Variants in ADAM32 observed in about 807,000 individuals in gnomAD.
The protein encoded by ADAM32 is disintegrin and metalloproteinase domain-containing protein 32.
Under a neutral mutation model 114.9 loss-of-function variants are expected in ADAM32, and 89 were observed. The ratio of observed to expected loss-of-function variants is 0.77; its 90% CI spans 0.65 to 0.92. The LOEUF is 0.92. Ranked by LOEUF, ADAM32 falls within the 40% of genes least tolerant of loss-of-function variation. The pLI is 0.00. For synonymous variants in ADAM32, 285 were observed against 307.5 expected (o/e 0.93, Z 0.77); for missense variants, 870 against 932.8 (o/e 0.93, Z 0.88).
intron 6 of ADAM32, among the ~76,000 whole-genome samples, chr8:39,152,320 A>C (rs1803881982): frequency 6.6e-6 from 1 of 152,204 alleles, no homozygotes; most frequent in Admixed American, 6.5e-5. Context: ...TGAAAGAGAA[A>C]ATTTTTATAC....
chr8:39,155,071 G>A lies in ADAM32; in HGVS notation c.525+3523G>A, dbSNP rs540268051. Among the ~76,000 whole-genome samples the A allele has an allele frequency of 2.0e-5, 3 of 152,134 alleles. No homozygotes were observed. The East Asian group carries it at 5.8e-4, about 29-fold the overall frequency. Reference sequence around the variant, plus strand: ...TCAATAAACTAGGTATTGATTGAACGTATCTCAAAATAATAAGAGCTATTT... The same window carrying A: ...TCAATAAACTAGGTATTGATTGAACATATCTCAAAATAATAAGAGCTATTT... On this transcript the variant is annotated intron_variant, in intron 6 of 24. Coordinates refer to ENST00000379907, the MANE Select transcript of ADAM32 (RefSeq NM_145004.7).
chr8:39,124,564 C>T (rs893319666), intron 2 of ADAM32, among the ~76,000 whole-genome samples: 1 of 151,972 alleles, frequency 6.6e-6, no homozygotes, highest in Non-Finnish European at 1.5e-5. Flanking sequence ...ACTACAGGCA[C>T]CTGCCATCAT....
intron 2 of ADAM32, among the ~76,000 whole-genome samples, chr8:39,127,469 G>A (rs1802186393): frequency 6.6e-6 from 1 of 152,124 alleles, no homozygotes; most frequent in Admixed American, 6.6e-5. Context: ...TGTGCATAGA[G>A]GTGTTTATAG....
chr8:39,188,132 A>G (rs994055713), intron 11 of ADAM32, among the ~76,000 whole-genome samples: 5 of 152,156 alleles, frequency 3.3e-5, no homozygotes, highest in Non-Finnish European at 5.9e-5. Flanking sequence ...TTAAGGGTTA[A>G]CTCTTATGTT....
At chr8:39,259,916 C>T (rs568760226) in intron 19 of ADAM32, among the ~76,000 whole-genome samples, 52 of 152,248 alleles carry the variant, frequency 3.4e-4, no homozygotes, top group African/African-American at 1.2e-3. Context: ...AACTAAAGAT[C>T]TTATTCAGAT....
At chr8:39,195,644 T>C (rs1165894184) in intron 11 of ADAM32, among the ~76,000 whole-genome samples, 2 of 151,468 alleles carry the variant, frequency 1.3e-5, no homozygotes, top group Admixed American at 6.6e-5. Context: ...CTTCTGCATA[T>C]GGATATCCAG....
At chr8:39,279,681 G>A (rs1034895001) in intron 22 of ADAM32, among the ~76,000 whole-genome samples, 2 of 151,722 alleles carry the variant, frequency 1.3e-5, no homozygotes, top group East Asian at 1.9e-4. Flanking sequence ...CAAATCCTCC[G>A]TTTTCTTAAT....
intron 12 of ADAM32, among the ~76,000 whole-genome samples, chr8:39,219,606 G>A (rs990480257): frequency 2.6e-5 from 4 of 152,158 alleles, no homozygotes; most frequent in Admixed American, 6.5e-5. Flanking sequence ...CAGATTCTCC[G>A]CACCATGAAG....
chr8:39,244,248 A>G (rs1810748987), intron 16 of ADAM32, among the ~76,000 whole-genome samples: 1 of 152,232 alleles, frequency 6.6e-6, no homozygotes, highest in South Asian at 2.1e-4. Context: ...ATCATTCTTC[A>G]CAGAACTGGA....
At chr8:39,112,273 T>A (rs1840194905) in intron 1 of ADAM32, among the ~76,000 whole-genome samples, 1 of 152,198 alleles carries the variant, frequency 6.6e-6, no homozygotes, top group Admixed American at 6.5e-5. Flanking sequence ...ATTGTATAAA[T>A]TTATGTATGT....
intron 2 of ADAM32, among the ~76,000 whole-genome samples, chr8:39,118,947 T>G (rs564983315): frequency 1.3e-5 from 2 of 152,242 alleles, no homozygotes; most frequent in South Asian, 4.1e-4. Flanking sequence ...GCTGATCTGT[T>G]GTCTATCTCT....
At chr8:39,146,369 C>G (rs1427333291) in intron 3 of ADAM32, among the ~76,000 whole-genome samples, 1 of 151,610 alleles carries the variant, frequency 6.6e-6, no homozygotes, top group East Asian at 1.9e-4. Context: ...AATGTAAGAA[C>G]AGAAAACTCT....
chr8:39,278,175 C>T (rs1432454131), intron 22 of ADAM32, among the ~76,000 whole-genome samples: 1 of 152,112 alleles, frequency 6.6e-6, no homozygotes, highest in Non-Finnish European at 1.5e-5. Flanking sequence ...TCAAGCTGTC[C>T]CTCTGAAGTC....
At chr8:39,283,768 A>ATTTT in intron 24 of ADAM32, 144 bp downstream of exon 24, 1 of 350,982 alleles carries the variant, frequency 2.8e-6, no homozygotes, top group Non-Finnish European at 4.7e-6. Context: ...TCTTTCTTTT[A>ATTTT]TTCTTTTTTT....
At chr8:39,111,332 A>G (rs1306892840) in intron 1 of ADAM32, among the ~76,000 whole-genome samples, 1 of 152,206 alleles carries the variant, frequency 6.6e-6, no homozygotes, top group Non-Finnish European at 1.5e-5. Flanking sequence ...CCCAATAATG[A>G]GTTGGCTATT....
At chr8:39,279,312 G>A (rs149863999) in intron 22 of ADAM32, among the ~76,000 whole-genome samples, 28 of 151,510 alleles carry the variant, frequency 1.8e-4, no homozygotes, top group South Asian at 4.2e-4. Flanking sequence ...TTTTTTAAGC[G>A]GAGTCTCTGT....
At chr8:39,253,507 T>C (rs1811438906) in intron 17 of ADAM32, among the ~76,000 whole-genome samples, 1 of 151,684 alleles carries the variant, frequency 6.6e-6, no homozygotes, top group Admixed American at 6.6e-5. Context: ...AATGCCATGA[T>C]TGTATACACA....
intron 5 of ADAM32, among the ~76,000 whole-genome samples, chr8:39,150,812 T>C (rs951889580): frequency 6.6e-6 from 1 of 152,202 alleles, no homozygotes; most frequent in African/African-American, 2.4e-5. Context: ...AATTTCTTAT[T>C]CAGACTATAT....
intron 1 of ADAM32, among the ~76,000 whole-genome samples, chr8:39,112,455 C>T (rs1840204387): frequency 6.6e-6 from 1 of 152,120 alleles, no homozygotes; most frequent in African/African-American, 2.4e-5. Flanking sequence ...TAAGGCTTCC[C>T]TTGGTACAAT....
Sources: gnomAD v4.1 joint callset for allele counts (sites outside exome capture counted in the v4.1 genomes callset) on GRCh38, gnomAD v4.1.1 for gene constraint, MANE v1.5 for transcripts, NCBI Gene and HGNC (gene_info 2026-07-23, HGNC 2026-07-21) for gene names.